The following DNAH7 variants were observed in gnomAD, a reference collection of about 807,000 sequenced individuals.
DNAH7 encodes the protein dynein axonemal heavy chain 7, also known as axonemal beta dynein heavy chain 7.
A neutral mutation model predicts 444.6 loss-of-function variants in DNAH7; 397 were observed. The observed-to-expected ratio is 0.89, with a 90% CI of 0.82 to 0.97. The LOEUF (loss-of-function observed/expected upper bound fraction) is 0.97, where lower values mean the gene tolerates loss of function less well. DNAH7 is among the 50% of genes least tolerant of loss of function. DNAH7 has a pLI of 0.00. For synonymous variants in DNAH7, 1,636 were observed against 1,624.4 expected (o/e 1.01, Z -0.17); for missense variants, 4,902 against 4,800.8 (o/e 1.02, Z -0.62).
Position 195,853,386 on chromosome 2 carries a change from C to G in DNAH7, c.8738G>C (p.Gly2913Ala). ...NLTGDILISS[G>A]VVAYLGAFTS... The stretch of plus-strand genomic sequence containing the variant: ...GAAGGCTCCGAGGTAAGCAACCACT[C>G]CGGAGGAAATGAGGATATCCCCAGT... Residue 2913 changes from glycine to alanine, a missense_variant, in exon 46 of 65, where the codon GGA (glycine) becomes GCA (alanine). Physicochemically the swap from Gly to Ala is moderately conservative, Grantham distance 60. Coordinates refer to ENST00000312428, the MANE Select transcript of DNAH7 (RefSeq NM_018897.3). 4.3e-6 allele frequency: 7 copies of G among 1,614,036 alleles called. No homozygotes were observed. The highest frequency in any genetic ancestry group is 5.9e-6 in the Non-Finnish European group (7 of 1,179,978).
In DNAH7 at chr2:195,857,701, A is replaced by C; in HGVS notation, c.8090T>G (p.Met2697Arg). The C allele has an allele frequency of 1.2e-6, 2 of 1,608,682 alleles. No homozygotes were observed. Among genetic ancestry groups the C allele is most frequent in the Non-Finnish European group, 1.7e-6 (2 of 1,177,900 alleles). ...TAQDITVVKS[M>R]KSPPAGVKLV... ...CTTGACACCAGCAGGAGGACTCTTCATGGATTTTACCACTGTAATATCCTT... is the reference window on the plus strand; with the variant it reads ...CTTGACACCAGCAGGAGGACTCTTCCTGGATTTTACCACTGTAATATCCTT... Residue 2697 changes from methionine (M) to arginine (R), a missense_variant, in exon 44 of 65, where the codon ATG becomes AGG. Met to Arg is a moderately conservative substitution (Grantham distance 91). Coordinates refer to ENST00000312428, the MANE Select transcript of DNAH7 (RefSeq NM_018897.3).
chr2:195,760,270 G>A (rs1025127465), intron 61 of DNAH7, among the ~76,000 whole-genome samples: 3 of 152,172 alleles, frequency 2.0e-5, no homozygotes, highest in East Asian at 1.9e-4. Flanking sequence ...AGAGCACCAG[G>A]TGAATTCTTA....
At chr2:195,759,155 GAGAGGGA>G (rs1244163304) in intron 61 of DNAH7, among the ~76,000 whole-genome samples, 1 of 152,180 alleles carries the variant, frequency 6.6e-6, no homozygotes, top group African/African-American at 2.4e-5. Flanking sequence ...TTGAGGAGAG[GAGAGGGA>G]AGAGTAAAGA....
At chr2:195,894,943 A>G in intron 30 of DNAH7, 33 bp downstream of exon 30, 1 of 1,547,324 alleles carries the variant, frequency 6.5e-7, no homozygotes, top group Non-Finnish European at 8.8e-7. Flanking sequence ...AAAGTCAATT[A>G]TAAATAAATT....
At position 195,897,985 on chromosome 2, in the gene DNAH7, A is replaced by C. The variant is rs923847611; in HGVS notation, c.4549-220T>G. On this transcript the variant is annotated intron_variant, in intron 28 of 64. Coordinates refer to ENST00000312428, the MANE Select transcript of DNAH7 (RefSeq NM_018897.3). ...TATAATAAAAATACAGGTTAAACTA[A>C]CTACCTTTTCACAGATATGCTAAGT... 3.9e-5 allele frequency among the ~76,000 whole-genome samples: 6 copies of C among 152,182 alleles called. 1 individual carries two copies. The highest frequency in any genetic ancestry group is 2.6e-4 in the Admixed American group (4 of 15,284).
At position 195,824,285 on chromosome 2, in the gene DNAH7, A is replaced by G. The variant is rs1452330578; in HGVS notation, c.9261T>C (p.Asn3087=). The G allele has an allele frequency of 2.5e-6, 4 of 1,613,088 alleles. No homozygotes were observed. Among genetic ancestry groups the G allele is most frequent in the African/African-American group, 1.3e-5 (1 of 74,904 alleles). The change falls in exon 49 of 65, where the codon AAT becomes AAC. Residue 3087 remains asparagine (N), a synonymous_variant. Transcript: ENST00000312428. ...CTGATGTTTCAGGAAGATAATGAGG[A>G]TTTCTTAACTTGGTAGTAATATAGA... ...FRFYITTKLR[N]PHYLPETSVK... is the part of the protein sequence containing the mutation.
intron 48 of DNAH7, among the ~76,000 whole-genome samples, chr2:195,824,688 T>C (rs1009041149): frequency 6.6e-6 from 1 of 152,142 alleles, no homozygotes; most frequent in Non-Finnish European, 1.5e-5. Context: ...TCCTGAGTCA[T>C]AGTCCTGCTG....
intron 3 of DNAH7, 104 bp downstream of exon 3, chr2:196,051,083 G>A (rs1309102301): frequency 1.0e-6 from 1 of 999,758 alleles, no homozygotes; most frequent in Middle Eastern, 3.0e-4. Flanking sequence ...CATCAGAAAA[G>A]AATCAAATGG....
chr2:195,810,639 T>TC (rs575665206), intron 51 of DNAH7, among the ~76,000 whole-genome samples: 32 of 151,720 alleles, frequency 2.1e-4, no homozygotes, highest in African/African-American at 7.0e-4. Context: ...TTTTTTTTTT[T>TC]CCCACTTTTC....
rs199678880 is a variant in DNAH7, at chr2:195,888,301, C to A, written c.5363G>T (p.Arg1788Ile). The A allele has an allele frequency of 1.1e-5, 17 of 1,611,098 alleles. No homozygotes were observed. In the Admixed American group the frequency reaches 2.7e-4, roughly 26 times the overall value. ...QKEFIMGLFDRMVPVSVEFIR... is the reference protein window; with the variant it reads ...QKEFIMGLFDIMVPVSVEFIR... The stretch of plus-strand genomic sequence containing the variant: ...AAATTCAACCGAAACAGGGACCATT[C>A]TGTCAAATAAGCCCATTATGAATTC... The change falls in exon 33 of 65, where the codon AGA becomes ATA. Residue 1788 changes from arginine to isoleucine, a missense_variant. Physicochemically the swap from Arg to Ile is moderately conservative, Grantham distance 97 (BLOSUM62 -3). Coordinates refer to ENST00000312428, the MANE Select transcript of DNAH7 (RefSeq NM_018897.3).
At chr2:195,888,569 T>C (rs1701839817) in intron 32 of DNAH7, 135 bp from the exon 33 acceptor site, 1 of 1,041,842 alleles carries the variant, frequency 9.6e-7, no homozygotes, top group African/African-American at 1.7e-5. Flanking sequence ...TTTCATGATG[T>C]CGATTTTTGT....
intron 63 of DNAH7, among the ~76,000 whole-genome samples, chr2:195,750,717 A>T (rs903260192): frequency 6.6e-6 from 1 of 152,144 alleles, no homozygotes. Flanking sequence ...TCTAATGGTG[A>T]TAATAGTAGT....
At chr2:195,859,488 A>T (rs1699898943) in intron 42 of DNAH7, among the ~76,000 whole-genome samples, 6 of 152,096 alleles carry the variant, frequency 3.9e-5, no homozygotes, top group Admixed American at 3.9e-4. Flanking sequence ...CTCTATAGAG[A>T]AAACTCTTCT....
At chr2:195,873,265 T>A (rs970953235) in intron 39 of DNAH7, among the ~76,000 whole-genome samples, 4 of 152,208 alleles carry the variant, frequency 2.6e-5, no homozygotes, top group African/African-American at 9.6e-5. Flanking sequence ...ACTCAAGTTC[T>A]ACTAGAGGGT....
chr2:195,793,938 T>C (rs1010564532), intron 57 of DNAH7, among the ~76,000 whole-genome samples: 1 of 152,170 alleles, frequency 6.6e-6, no homozygotes, highest in African/African-American at 2.4e-5. Context: ...TCATTTTGGC[T>C]CTCATTATAG....
Position 195,960,917 on chromosome 2 carries a change from G to A in DNAH7, c.2234C>T (p.Ala745Val), listed in dbSNP as rs199884184. ...ATATACAGATGGTAGCCAACCAAATGCTTCCTCTTCAGCATTAAACTGCTC... is the reference window on the plus strand; with the variant it reads ...ATATACAGATGGTAGCCAACCAAATACTTCCTCTTCAGCATTAAACTGCTC... ...KIEQFNAEEE[A>V]FGWLPSVYPQ... The change falls in exon 18 of 65, where the codon GCA (alanine) becomes GTA (valine). Residue 745 changes from alanine (A) to valine (V), a missense_variant. Ala to Val is a moderately conservative substitution (Grantham distance 64). Transcript: ENST00000312428. The A allele has an allele frequency of 1.7e-4, 275 of 1,605,680 alleles. 1 individual carries two copies. In the African/African-American group the frequency reaches 3.3e-3, roughly 19 times the overall value.
chr2:196,012,739 T>A, intron 10 of DNAH7, 48 bp downstream of exon 10: 2 of 1,583,758 alleles, frequency 1.3e-6, no homozygotes, highest in South Asian at 2.3e-5. Context: ...TAGCCCACAA[T>A]CATATTTTTA....
intron 57 of DNAH7, among the ~76,000 whole-genome samples, chr2:195,792,928 A>G (rs1410436866): frequency 6.6e-6 from 1 of 151,714 alleles, no homozygotes; most frequent in Non-Finnish European, 1.5e-5. Context: ...TACTATTGTT[A>G]TTTATTTATT....
At chr2:196,064,704 CCTT>C (rs1178117124) in intron 1 of DNAH7, among the ~76,000 whole-genome samples, 2 of 152,130 alleles carry the variant, frequency 1.3e-5, no homozygotes, top group Non-Finnish European at 2.9e-5. Flanking sequence ...CAATTTGTAT[CCTT>C]CTGCAACATG....
Sources: allele counts gnomAD v4.1 joint callset (sites outside exome capture counted in the v4.1 genomes callset), GRCh38; gene constraint gnomAD v4.1.1; transcripts MANE v1.5; gene names NCBI Gene and HGNC (gene_info 2026-07-23, HGNC 2026-07-21).